MGMT: variants seen among roughly 807,000 people sequenced by gnomAD.
MGMT encodes the protein O-6-methylguanine-DNA methyltransferase.
MGMT carries 14 observed loss-of-function variants against 15.9 expected under a neutral mutation model. The ratio of observed to expected loss-of-function variants is 0.88; its 90% confidence interval spans 0.58 to 1.37. The LOEUF is 1.37. Ranked by LOEUF, MGMT falls within the 40% of genes most tolerant of loss-of-function variation. The pLI is 0.00. For synonymous variants in MGMT, 130 were observed against 118.2 expected (o/e 1.10, Z -0.65); for missense variants, 282 against 268.1 (o/e 1.05, Z -0.36).
chr10:129,732,979 C>G (rs1175131038), intron 3 of MGMT, among the ~76,000 whole-genome samples: 4 of 151,462 alleles, frequency 2.6e-5, no homozygotes, highest in African/African-American at 9.7e-5. Flanking sequence ...TGGGTTGGTT[C>G]CAAGTCTTTG....
rs371062306 is a variant in MGMT, at chr10:129,647,151, C to T, written c.126-60744C>T. On this transcript the variant is annotated intron_variant, in intron 2 of 4. Coordinates refer to ENST00000651593, the MANE Select transcript of MGMT (RefSeq NM_002412.5). ...ATTTACTCAGGGTTTCTGCTGGTGA[C>T]GGCTCTAATAGGCACTTCACCTGCT... 2.4e-3 allele frequency among the ~76,000 whole-genome samples: 364 copies of T among 152,212 alleles called. 2 individuals carry two copies. Among genetic ancestry groups the T allele is most frequent in the African/African-American group, 8.3e-3 (343 of 41,532 alleles).
At chr10:129,491,223 T>G (rs1246591218) in intron 1 of MGMT, among the ~76,000 whole-genome samples, 5 of 152,150 alleles carry the variant, frequency 3.3e-5, no homozygotes, top group Admixed American at 1.3e-4. Flanking sequence ...TAAACACTAA[T>G]AGTTATTGAT....
chr10:129,494,040 C>T (rs1418999425), intron 1 of MGMT, among the ~76,000 whole-genome samples: 5 of 152,180 alleles, frequency 3.3e-5, no homozygotes. Context: ...AACCTTCTTC[C>T]ATTGTTAGGA....
rs369869846 is a variant in MGMT, at chr10:129,681,146, G to A, written c.126-26749G>A. Among the ~76,000 whole-genome samples the A allele has an allele frequency of 1.9e-4, 29 of 152,290 alleles. 1 individual carries two copies. The highest frequency in any genetic ancestry group is 1.7e-3 in the Admixed American group (26 of 15,304). ...CACCATGCAGGCGGCGTTGTCGTCC[G>A]ATGGTCTCCACCTGTGGCCGTAGCA... is the stretch of plus-strand genomic sequence containing the variant. On this transcript the variant is annotated intron_variant, in intron 2 of 4. Coordinates refer to ENST00000651593, the MANE Select transcript of MGMT (RefSeq NM_002412.5).
At chr10:129,599,611 A>C (rs969215964) in intron 2 of MGMT, among the ~76,000 whole-genome samples, 4 of 152,198 alleles carry the variant, frequency 2.6e-5, no homozygotes, top group Admixed American at 2.6e-4. Flanking sequence ...AAATTATGGT[A>C]ATAAGCGTCC....
In MGMT at chr10:129,566,224, G is replaced by T. The variant is rs538907754; in HGVS notation, c.125+29847G>T. ...GAGCTGGACTTCCAGCCTGCTTCTT[G>T]GCTGTCTAGGTGCCAGGGGCTCGGG... On this transcript the variant is annotated intron_variant, in intron 2 of 4. Coordinates refer to ENST00000651593, the MANE Select transcript of MGMT (RefSeq NM_002412.5). This position sits in a 1 kb window ranked among gnomAD's most constrained non-coding sequence, Gnocchi z 4.1. 4.9e-4 allele frequency among the ~76,000 whole-genome samples: 74 copies of T among 152,306 alleles called. No homozygotes were observed. The highest frequency in any genetic ancestry group is 9.6e-4 in the Non-Finnish European group (65 of 68,030).
chr10:129,647,824 C>G (rs536392022), intron 2 of MGMT, among the ~76,000 whole-genome samples: 64 of 152,136 alleles, frequency 4.2e-4, no homozygotes, highest in Non-Finnish European at 8.2e-4. Context: ...TTCTAGCAGC[C>G]CATTTGATTC....
rs777904492 is a variant in MGMT at position 129,766,915 on chromosome 10, T to C, written c.542T>C (p.Leu181Ser). The change falls in exon 5 of 5, where the codon TTG (leucine) becomes TCG (serine). Residue 181 changes from leucine to serine, a missense_variant. By Grantham distance (145) the Leu-to-Ser change is moderately radical (BLOSUM62 -2). Coordinates refer to ENST00000651593, the MANE Select transcript of MGMT (RefSeq NM_002412.5). ...HEGHRLGKPG[L>S]GGSSGLAGAW... is the part of the protein sequence containing the mutation. ...GGCCACCGGTTGGGGAAGCCAGGCT[T>C]GGGAGGGAGCTCAGGTCTGGCAGGG... 3 of 1,613,302 alleles carry C rather than the reference T, an allele frequency of 1.9e-6. No homozygotes were observed. The Admixed American group carries it at 5.0e-5, about 27-fold the overall frequency.
At chr10:129,573,642 T>A (rs1846445104) in intron 2 of MGMT, among the ~76,000 whole-genome samples, 1 of 152,236 alleles carries the variant, frequency 6.6e-6, no homozygotes, top group Non-Finnish European at 1.5e-5. Context: ...GGTTGGAACC[T>A]ATCTTTATTT....
At chr10:129,490,305 A>G (rs978867868) in intron 1 of MGMT, among the ~76,000 whole-genome samples, 1 of 152,140 alleles carries the variant, frequency 6.6e-6, no homozygotes, top group Non-Finnish European at 1.5e-5. Flanking sequence ...TCCCATCCCC[A>G]TATCTGTTAG....
intron 3 of MGMT, among the ~76,000 whole-genome samples, chr10:129,719,264 C>T (rs1848339554): frequency 6.6e-6 from 1 of 152,234 alleles, no homozygotes. Context: ...CTGTCTAGAG[C>T]CAGTCCGTGT....
chr10:129,669,040 A>T (rs1017405268), intron 2 of MGMT, among the ~76,000 whole-genome samples: 12 of 152,198 alleles, frequency 7.9e-5, no homozygotes, highest in African/African-American at 2.2e-4. Context: ...TGTAAGTGTT[A>T]TGCATTTATT....
chr10:129,565,986 A>G (rs372644398), intron 2 of MGMT, among the ~76,000 whole-genome samples: 4 of 152,168 alleles, frequency 2.6e-5, no homozygotes, highest in African/African-American at 4.8e-5. Flanking sequence ...GGCCCCAGGC[A>G]GGCTGGAGCC....
intron 2 of MGMT, among the ~76,000 whole-genome samples, chr10:129,590,967 A>G (rs1265724669): frequency 2.0e-5 from 3 of 152,236 alleles, no homozygotes; most frequent in Non-Finnish European, 4.4e-5. Flanking sequence ...CCATTTAGTC[A>G]AAAAGTGTCT....
chr10:129,685,851 G>A (rs1444389946), intron 2 of MGMT, among the ~76,000 whole-genome samples: 1 of 151,940 alleles, frequency 6.6e-6, no homozygotes, highest in Admixed American at 6.6e-5. Context: ...TCTTCCTCTG[G>A]GTTTCTAAGT....
chr10:129,698,892 C>G (rs549286172), intron 2 of MGMT, among the ~76,000 whole-genome samples: 3 of 152,316 alleles, frequency 2.0e-5, no homozygotes, highest in Admixed American at 2.0e-4. Context: ...AATCAACAGT[C>G]AGGCACCGCA....
chr10:129,751,126 T>A (rs1322751777), intron 3 of MGMT, among the ~76,000 whole-genome samples: 1 of 152,084 alleles, frequency 6.6e-6, no homozygotes, highest in Non-Finnish European at 1.5e-5. Flanking sequence ...ATCTTATTTT[T>A]AAAACATTTT....
At chr10:129,558,604 C>A (rs145923032) in intron 2 of MGMT, among the ~76,000 whole-genome samples, 1 of 152,228 alleles carries the variant, frequency 6.6e-6, no homozygotes, top group African/African-American at 2.4e-5. Flanking sequence ...AGGCTAGCTT[C>A]CTCTCCCATT....
At chr10:129,633,530 T>C (rs1847234318) in intron 2 of MGMT, among the ~76,000 whole-genome samples, 1 of 152,264 alleles carries the variant, frequency 6.6e-6, no homozygotes, top group Admixed American at 6.5e-5. Flanking sequence ...TTTCAAATTT[T>C]TTATAGTATA....
Sources: gnomAD v4.1 joint callset for allele counts (sites outside exome capture counted in the v4.1 genomes callset) on GRCh38, gnomAD v4.1.1 for gene constraint, Gnocchi (gnomAD v3.1) non-coding constraint, MANE v1.5 for transcripts, NCBI Gene and HGNC (gene_info 2026-07-23, HGNC 2026-07-21) for gene names.